Variants in HDAC9 observed in about 807,000 individuals in gnomAD.
HDAC9 encodes MEF-2 interacting transcription repressor (MITR) protein.
HDAC9 carries 41 observed loss-of-function variants against 139.4 expected under a neutral mutation model. The observed-to-expected ratio is 0.29, with a 90% confidence interval of 0.23 to 0.38. The LOEUF (loss-of-function observed/expected upper bound fraction) is 0.38. Among genes scored for constraint, HDAC9 ranks in the 10% least tolerant of loss-of-function variants. The pLI is 1.00. For missense variants in HDAC9, 1,147 were observed against 1,297.0 expected, an observed-to-expected ratio of 0.88 and a Z score of 1.78; for synonymous variants, 517 against 476.2, an observed-to-expected ratio of 1.09 and a Z score of -1.12.
chr7:18,915,576 A>T (rs1803115520), intron 22 of HDAC9, among the ~76,000 whole-genome samples: 1 of 151,914 alleles, frequency 6.6e-6, no homozygotes, highest in African/African-American at 2.4e-5. Flanking sequence ...ACAGTTTGCA[A>T]ATCAGGAGTC....
intron 1 of HDAC9, among the ~76,000 whole-genome samples, chr7:18,407,575 C>A (rs1472707852): frequency 6.6e-6 from 1 of 152,082 alleles, no homozygotes; most frequent in Non-Finnish European, 1.5e-5. Context: ...AAAAATCATC[C>A]CATTGTTCAC....
chr7:18,109,996 A>G (rs1783502869), intron 1 of HDAC9, among the ~76,000 whole-genome samples: 1 of 152,176 alleles, frequency 6.6e-6, no homozygotes, highest in Admixed American at 6.5e-5. Context: ...AGATCTGCTC[A>G]GAATGATGTT....
At chr7:18,584,273 C>A (rs895862468) in intron 2 of HDAC9, among the ~76,000 whole-genome samples, 1 of 150,796 alleles carries the variant, frequency 6.6e-6, no homozygotes, top group African/African-American at 2.4e-5. Flanking sequence ...GGACTACAGG[C>A]ACCCGCCACC....
chr7:18,522,621 A>C (rs913252809), intron 2 of HDAC9, among the ~76,000 whole-genome samples: 3 of 152,206 alleles, frequency 2.0e-5, no homozygotes, highest in Middle Eastern at 3.4e-3. Flanking sequence ...AAAAAACAAA[A>C]AAAAAAACAT....
At chr7:18,946,997 A>G (rs900685704) in intron 23 of HDAC9, among the ~76,000 whole-genome samples, 4 of 152,016 alleles carry the variant, frequency 2.6e-5, no homozygotes, top group African/African-American at 4.8e-5. Flanking sequence ...AGAAAATCGT[A>G]TATATTTTGA....
chr7:18,666,445 A>T lies in HDAC9; in HGVS notation c.1700A>T (p.Glu567Val), dbSNP rs1249160094. 1 of 1,611,614 alleles carries T rather than the reference A, an allele frequency of 6.2e-7. No homozygotes were observed. The highest frequency in any genetic ancestry group is 1.7e-5 in the Admixed American group (1 of 59,588). ...SDEDAQIQEMESGEQAAFMQQ... is the reference protein window; with the variant it reads ...SDEDAQIQEMVSGEQAAFMQQ... ...GAAGATGCTCAGATCCAGGAAATGG[A>T]ATCTGGGGAGCAGGCTGCTTTTATG... is the stretch of plus-strand genomic sequence containing the variant. Residue 567 changes from glutamate to valine, a missense_variant, in exon 12 of 26, where the codon GAA (glutamate) becomes GTA (valine). By Grantham distance (121) the Glu-to-Val change is moderately radical. Coordinates refer to ENST00000686413, the MANE Select transcript of HDAC9 (RefSeq NM_178425.4).
chr7:18,840,469 C>G (rs1371005776), intron 21 of HDAC9, among the ~76,000 whole-genome samples: 1 of 151,892 alleles, frequency 6.6e-6, no homozygotes, highest in Non-Finnish European at 1.5e-5. Flanking sequence ...AGAGAGTTGT[C>G]TAGTAGAGGT....
intron 1 of HDAC9, among the ~76,000 whole-genome samples, chr7:18,339,171 G>A (rs1027774137): frequency 6.6e-6 from 1 of 151,200 alleles, no homozygotes; most frequent in Non-Finnish European, 1.5e-5. Flanking sequence ...GATCAGTCAG[G>A]CTACAAGTTT....
chr7:18,854,691 A>G (rs184540092), intron 21 of HDAC9, among the ~76,000 whole-genome samples: 1 of 152,296 alleles, frequency 6.6e-6, no homozygotes, highest in East Asian at 1.9e-4. Flanking sequence ...AGAGAAAAGT[A>G]TAAAAAGTCT....
chr7:18,444,847 A>G (rs1585956201), intron 1 of HDAC9, among the ~76,000 whole-genome samples: 1 of 152,342 alleles, frequency 6.6e-6, no homozygotes, highest in East Asian at 1.9e-4. Flanking sequence ...ACCATCAAGT[A>G]CCATTACCAT....
At chr7:18,756,472 A>G (rs1464658340) in intron 14 of HDAC9, among the ~76,000 whole-genome samples, 1 of 152,200 alleles carries the variant, frequency 6.6e-6, no homozygotes, top group East Asian at 1.9e-4. Context: ...CCTTTTGAAA[A>G]TCCTTATTCA....
At chr7:18,750,989 G>C (rs1788395382) in intron 14 of HDAC9, among the ~76,000 whole-genome samples, 1 of 152,076 alleles carries the variant, frequency 6.6e-6, no homozygotes, top group Non-Finnish European at 1.5e-5. Context: ...TTAGATAGTG[G>C]TATTCCTAAA....
At chr7:18,972,369 C>CTTTTTTTTTTTTTTTTT (rs199909134) in intron 24 of HDAC9, among the ~76,000 whole-genome samples, 1 of 94,898 alleles carries the variant, frequency 1.1e-5, no homozygotes, top group Non-Finnish European at 2.2e-5. Flanking sequence ...ATGAACTTCT[C>CTTTTTTTTTTTTTTTTT]TTTTTTTTTT....
At chr7:18,797,560 G>A (rs1792909022) in intron 17 of HDAC9, among the ~76,000 whole-genome samples, 1 of 152,066 alleles carries the variant, frequency 6.6e-6, no homozygotes. Context: ...CTGCGCAGTG[G>A]TTCATGCCTG....
chr7:18,771,970 A>T (rs535737751), intron 16 of HDAC9, among the ~76,000 whole-genome samples: 3 of 152,288 alleles, frequency 2.0e-5, no homozygotes, highest in East Asian at 1.9e-4. Flanking sequence ...GTTGTTGATG[A>T]CTAGACAAGG....
At chr7:18,667,805 G>A (rs745352807) in intron 12 of HDAC9, 5 of 984,788 alleles carry the variant, frequency 5.1e-6, no homozygotes, top group African/African-American at 3.5e-5. Context: ...AAATTGTTAC[G>A]GAAGCTTTTC....
At chr7:18,592,894 A>G (rs994501112) in intron 5 of HDAC9, among the ~76,000 whole-genome samples, 12 of 152,290 alleles carry the variant, frequency 7.9e-5, no homozygotes, top group African/African-American at 2.6e-4. Context: ...CTGTTCTAAG[A>G]AAAGATAATA....
intron 25 of HDAC9, among the ~76,000 whole-genome samples, chr7:18,985,210 C>A (rs1259077922): frequency 6.6e-6 from 1 of 152,162 alleles, no homozygotes; most frequent in East Asian, 1.9e-4. Context: ...TCTCCCAATG[C>A]TATCCCTACC....
At chr7:18,390,193 G>C (rs1301124719) in intron 1 of HDAC9, among the ~76,000 whole-genome samples, 7 of 151,934 alleles carry the variant, frequency 4.6e-5, no homozygotes, top group African/African-American at 1.7e-4. Flanking sequence ...GCTTTTGTTA[G>C]GAAGAATATA....
Sources: gnomAD v4.1 joint callset for allele counts (sites outside exome capture counted in the v4.1 genomes callset) on GRCh38, gnomAD v4.1.1 for gene constraint, MANE v1.5 for transcripts, NCBI Gene and HGNC (gene_info 2026-07-23, HGNC 2026-07-21) for gene names.